Variants in DYNC1I1 observed in about 807,000 individuals in gnomAD.
DYNC1I1 encodes the protein cytoplasmic dynein 1 intermediate chain 1.
DYNC1I1 carries 43 observed loss-of-function variants against 86.6 expected under a neutral mutation model. That is an observed-to-expected ratio of 0.50 (90% confidence interval 0.39 to 0.64). The LOEUF is 0.64. Among genes scored for constraint, DYNC1I1 ranks in the 30% least tolerant of loss-of-function variants. The pLI is 0.00. For synonymous variants in DYNC1I1, 262 were observed against 283.7 expected, an observed-to-expected ratio of 0.92 and a Z score of 0.77; for missense variants, 604 against 788.8, an observed-to-expected ratio of 0.77 and a Z score of 2.81.
At chr7:95,814,631 T>C (rs1310481493) in intron 4 of DYNC1I1, among the ~76,000 whole-genome samples, 1 of 152,204 alleles carries the variant, frequency 6.6e-6, no homozygotes, top group African/African-American at 2.4e-5. Context: ...GACATGAAGA[T>C]AATCTAGCGT....
rs543857080 is a variant in DYNC1I1 at position 95,830,987 on chromosome 7, T to G, written c.374+2871T>G. ...TGACTAATAATGTTGAATATCTCTT[T>G]AGTTGCTTATTTGCCATATGAGTAT... is the stretch of plus-strand genomic sequence containing the variant. On this transcript the variant is annotated intron_variant, in intron 5 of 16. Coordinates refer to ENST00000447467, the MANE Select transcript of DYNC1I1 (RefSeq NM_001135556.2). 1.1e-3 allele frequency among the ~76,000 whole-genome samples: 172 copies of G among 152,282 alleles called. 1 individual carries two copies. The highest frequency in any genetic ancestry group is 3.3e-3 in the Admixed American group (50 of 15,290).
intron 15 of DYNC1I1, among the ~76,000 whole-genome samples, chr7:96,077,814 A>G (rs1016733668): frequency 2.0e-5 from 3 of 152,160 alleles, no homozygotes; most frequent in Admixed American, 6.5e-5. Flanking sequence ...AATTTTTTTT[A>G]GGTAAAATGA....
Position 96,066,480 on chromosome 7 carries a change from A to G in DYNC1I1, c.1510-9577A>G, listed in dbSNP as rs565593834. Reference sequence around the variant, plus strand: ...GTCTGTTTTCCAGTGATTTGCAGACATGGTAAATTCCTCCCAGAGTTTTTC... The same window carrying G: ...GTCTGTTTTCCAGTGATTTGCAGACGTGGTAAATTCCTCCCAGAGTTTTTC... On this transcript the variant is annotated intron_variant, in intron 14 of 16. Transcript: ENST00000447467. 7.2e-5 allele frequency among the ~76,000 whole-genome samples: 11 copies of G among 152,372 alleles called. No individual in the cohort carries two copies. The South Asian group carries it at 2.3e-3, about 32-fold the overall frequency.
intron 6 of DYNC1I1, among the ~76,000 whole-genome samples, chr7:95,973,585 A>G (rs1793230030): frequency 6.6e-6 from 1 of 152,210 alleles, no homozygotes. Context: ...TTTCCATTCA[A>G]GGAATTAGAT....
intron 6 of DYNC1I1, among the ~76,000 whole-genome samples, chr7:95,976,590 A>C (rs564447519): frequency 3.3e-5 from 5 of 152,338 alleles, no homozygotes; most frequent in African/African-American, 1.2e-4. Flanking sequence ...GGGTGGAGGA[A>C]GAAGCAAAGT....
At chr7:95,916,500 A>G (rs1482137224) in intron 6 of DYNC1I1, among the ~76,000 whole-genome samples, 1 of 152,206 alleles carries the variant, frequency 6.6e-6, no homozygotes, top group Admixed American at 6.5e-5. Flanking sequence ...AATAATCAGT[A>G]GACATTTGTG....
intron 2 of DYNC1I1, among the ~76,000 whole-genome samples, chr7:95,808,623 G>T (rs546390078): frequency 6.6e-5 from 10 of 152,268 alleles, no homozygotes; most frequent in Non-Finnish European, 1.5e-4. Context: ...TTGCTGCAAG[G>T]TAGAATGGCC....
At chr7:95,822,299 T>C (rs1795092631) in intron 4 of DYNC1I1, among the ~76,000 whole-genome samples, 1 of 152,292 alleles carries the variant, frequency 6.6e-6, no homozygotes, top group South Asian at 2.1e-4. Flanking sequence ...TGAAATGAAA[T>C]TCTGCTTGTC....
At chr7:95,846,947 G>T (rs1194992913) in intron 5 of DYNC1I1, among the ~76,000 whole-genome samples, 2 of 152,066 alleles carry the variant, frequency 1.3e-5, no homozygotes, top group Non-Finnish European at 2.9e-5. Context: ...TGGCTCCCAG[G>T]TCCTCATTTT....
intron 10 of DYNC1I1, among the ~76,000 whole-genome samples, chr7:96,009,302 C>G (rs1192110959): frequency 6.6e-6 from 1 of 152,206 alleles, no homozygotes; most frequent in Admixed American, 6.5e-5. Context: ...CTCCAGCACT[C>G]AAGCCCCAAG....
intron 6 of DYNC1I1, among the ~76,000 whole-genome samples, chr7:95,927,167 A>G (rs1490848190): frequency 1.3e-5 from 2 of 152,192 alleles, no homozygotes; most frequent in African/African-American, 2.4e-5. Context: ...TTTAAAAATG[A>G]CATCATGGAA....
rs1294756578 is a variant in DYNC1I1 at position 96,039,300 on chromosome 7, T to C, written c.1388T>C (p.Phe463Ser). ...AGCAAAGCAGGTATTGGTGAGGTCTTTGAAGGTCACCAAGGGCCAGTGACA... is the reference window on the plus strand; with the variant it reads ...AGCAAAGCAGGTATTGGTGAGGTCTCTGAAGGTCACCAAGGGCCAGTGACA... ...HGSKAGIGEV[F>S]EGHQGPVTGI... Residue 463 changes from phenylalanine to serine, a missense_variant, in exon 14 of 17, where the codon TTT becomes TCT. Coordinates refer to ENST00000447467, the MANE Select transcript of DYNC1I1 (RefSeq NM_001135556.2). 1.2e-6 allele frequency: 2 copies of C among 1,614,084 alleles called. No individual in the cohort carries two copies. The highest frequency in any genetic ancestry group is 1.1e-5 in the South Asian group (1 of 91,066).
chr7:96,102,100 A>G (rs1791145698), downstream of DYNC1I1, among the ~76,000 whole-genome samples: 1 of 152,110 alleles, frequency 6.6e-6, no homozygotes, highest in African/African-American at 2.4e-5. Context: ...CTTCTGGTAC[A>G]TGGTATGTGG....
chr7:95,942,322 G>A (rs1256274371), intron 6 of DYNC1I1, among the ~76,000 whole-genome samples: 1 of 152,102 alleles, frequency 6.6e-6, no homozygotes. Context: ...ACTAAACCAG[G>A]AAGAAGTTGA....
chr7:95,786,831 G>T (rs1213775162), intron 1 of DYNC1I1, among the ~76,000 whole-genome samples: 1 of 152,174 alleles, frequency 6.6e-6, no homozygotes, highest in Non-Finnish European at 1.5e-5. Context: ...GACTGGAGCA[G>T]TGGGGAGAAA....
chr7:95,828,358 C>T (rs919709083), intron 5 of DYNC1I1, among the ~76,000 whole-genome samples: 1 of 152,028 alleles, frequency 6.6e-6, no homozygotes, highest in African/African-American at 2.4e-5. Flanking sequence ...AACAACACTC[C>T]CCCAAACAAA....
At chr7:95,980,144 G>A (rs1036861776) in intron 7 of DYNC1I1, among the ~76,000 whole-genome samples, 1 of 152,084 alleles carries the variant, frequency 6.6e-6, no homozygotes, top group South Asian at 2.1e-4. Context: ...ACTGTTACTC[G>A]TGCTTCATGG....
chr7:96,085,930 G>A (rs1243054315), intron 16 of DYNC1I1, among the ~76,000 whole-genome samples: 1 of 146,322 alleles, frequency 6.8e-6, no homozygotes, highest in African/African-American at 2.5e-5. Context: ...GCTATTGTTG[G>A]ATTTTTTTTC....
intron 9 of DYNC1I1, among the ~76,000 whole-genome samples, chr7:95,991,310 A>G (rs1410428243): frequency 6.6e-6 from 1 of 152,168 alleles, no homozygotes; most frequent in African/African-American, 2.4e-5. Context: ...ACATATTAAT[A>G]CTACAACCTG....
Sources: allele counts gnomAD v4.1 joint callset (sites outside exome capture counted in the v4.1 genomes callset), GRCh38; gene constraint gnomAD v4.1.1; transcripts MANE v1.5; gene names NCBI Gene and HGNC (gene_info 2026-07-23, HGNC 2026-07-21).